MUC6: variants seen among roughly 807,000 people sequenced by gnomAD.
MUC6 encodes the protein mucin-6.
Under a neutral mutation model 201.5 loss-of-function variants are expected in MUC6, and 188 were observed. The observed-to-expected ratio is 0.93, with a 90% confidence interval of 0.83 to 1.05. The LOEUF (loss-of-function observed/expected upper bound fraction) is 1.05, where lower values mean the gene tolerates loss of function less well. Ranked by LOEUF, MUC6 falls within the 50% of genes least tolerant of loss-of-function variation. MUC6 has a pLI of 0.00. For synonymous variants in MUC6, 1,228 were observed against 1,389.4 expected (o/e 0.88, Z 2.58); for missense variants, 2,706 against 3,256.9 (o/e 0.83, Z 4.12).
intron 26 of MUC6, among the ~76,000 whole-genome samples, chr11:1,021,543 G>A (rs1222120203): frequency 6.6e-6 from 1 of 152,034 alleles, no homozygotes; most frequent in Non-Finnish European, 1.5e-5. Context: ...GCTAATTTTT[G>A]TATTTTTAGT....
Position 1,027,492 on chromosome 11 carries a change from G to A in MUC6, c.2007C>T (p.Thr669=), listed in dbSNP as rs1335843700. ...NCTIPCTGNT[T]FSYNSQACER... ...CACAGGCTTGGCTGTTGTAGCTGAA[G>A]GTGGTGTTACCCGTGCAGGGGATGG... is the stretch of plus-strand genomic sequence containing the variant. The change falls in exon 17 of 33, where the codon ACC becomes ACT. Residue 669 remains threonine (T), a synonymous_variant. Coordinates refer to ENST00000421673, the MANE Select transcript of MUC6 (RefSeq NM_005961.3). The A allele has an allele frequency of 1.2e-6, 2 of 1,612,466 alleles. No individual in the cohort carries two copies. The highest frequency in any genetic ancestry group is 1.1e-5 in the South Asian group (1 of 91,066).
chr11:1,032,295 GCA>G (rs1470861120), intron 2 of MUC6, among the ~76,000 whole-genome samples: 1 of 152,192 alleles, frequency 6.6e-6, no homozygotes, highest in Admixed American at 6.5e-5. Flanking sequence ...TTGTGTGTGT[GCA>G]CGTGTGTGCA....
rs1188211727 is a variant in MUC6 at position 1,027,543 on chromosome 11, C to G, written c.1982-26G>C. The stretch of plus-strand genomic sequence containing the variant: ...CTGTGGGGGACCCGGGCATCAGACT[C>G]TCCGGGAGGGGGCGGCCGGGAGGGC... On this transcript the variant is annotated intron_variant, in intron 16 of 32. Coordinates refer to ENST00000421673, the MANE Select transcript of MUC6 (RefSeq NM_005961.3). The G allele has an allele frequency of 4.4e-6, 7 of 1,608,860 alleles. 1 individual carries two copies. Among genetic ancestry groups the G allele is most frequent in the African/African-American group, 1.3e-5 (1 of 74,964 alleles).
chr11:1,015,927 C>A lies in MUC6; in HGVS notation c.6874G>T (p.Val2292Leu). ...TSGFVSLTSGVTGIPTSPVTN... is the reference protein window; with the variant it reads ...TSGFVSLTSGLTGIPTSPVTN... Reference sequence around the variant, plus strand: ...ACTGGAGAGGTGGGGATACCCGTCACCCCCGAGGTGAGTGACACAAAGCCT... The same window carrying A: ...ACTGGAGAGGTGGGGATACCCGTCAACCCCGAGGTGAGTGACACAAAGCCT... The change falls in exon 31 of 33, where the codon GTG becomes TTG. Residue 2292 changes from valine (V) to leucine (L), a missense_variant. By Grantham distance (32) the Val-to-Leu change is conservative. Around this residue, in one of 10 missense-constraint regions of MUC6, gnomAD observed 586 missense variants for 488.0 expected, o/e 1.20. Transcript: ENST00000421673. 6.2e-7 allele frequency: 1 copy of A among 1,600,486 alleles called. No homozygotes were observed.
rs747840669 is a variant in MUC6 at position 1,020,189 on chromosome 11, C to T, written c.3709G>A (p.Gly1237Arg). 38 of 1,612,006 alleles carry T rather than the reference C, an allele frequency of 2.4e-5. No individual in the cohort carries two copies. The highest frequency in any genetic ancestry group is 1.3e-4 in the African/African-American group (10 of 74,812). The change falls in exon 29 of 33, where the codon GGA becomes AGA. Residue 1237 changes from glycine (G) to arginine (R), a missense_variant. Coordinates refer to ENST00000421673, the MANE Select transcript of MUC6 (RefSeq NM_005961.3). ...STTIGLLSST[G>R]PSPSSNHTPA... ...GTGTGATTAGAGCTGGGTGAGGGTC[C>T]GGTGGAGCTGAGAAGCCCGATGGTG...
intron 29 of MUC6, 122 bp downstream of exon 29, chr11:1,019,968 T>C (rs1193038659): frequency 7.8e-6 from 10 of 1,286,678 alleles, no homozygotes; most frequent in Non-Finnish European, 9.9e-6. Context: ...AGTTCTACGC[T>C]GGGAATCTGC....
In MUC6 at chr11:1,020,169, AT is replaced by A. The variant is rs1268408888; in HGVS notation, c.3728del (p.Asn1243IlefsTer50). The A allele has an allele frequency of 6.2e-7, 1 of 1,612,598 alleles. No individual in the cohort carries two copies. Among genetic ancestry groups the A allele is most frequent in the Admixed American group, 1.7e-5 (1 of 59,978 alleles). On this transcript the variant is annotated frameshift_variant, in exon 29 of 33. Coordinates refer to ENST00000421673, the MANE Select transcript of MUC6 (RefSeq NM_005961.3). LOFTEE classifies it high-confidence loss of function. ...LSSTGPSPSS[N>X]HTPASPTQTP... ...TCTGGGTGGGGCTGGCAGGGGTGTG[AT>A]TAGAGCTGGGTGAGGGTCCGGTGGA...
intron 5 of MUC6, 47 bp downstream of exon 5, chr11:1,031,122 C>T (rs1307947474): frequency 2.5e-6 from 3 of 1,191,618 alleles, no homozygotes; most frequent in Non-Finnish European, 3.5e-6. Context: ...GCCCTGCCCC[C>T]CACCTAGAGG....
rs1373929049 is a variant in MUC6, at chr11:1,026,903, G to T, written c.2394+38C>A. 2.0e-6 allele frequency: 3 copies of T among 1,501,666 alleles called. No individual in the cohort carries two copies. The East Asian group carries it at 7.4e-5, about 37-fold the overall frequency. 93.0% of individuals were successfully genotyped at this position (1,501,666 alleles called of 1,614,324 possible). On this transcript the variant is annotated intron_variant, in intron 19 of 32. Coordinates refer to ENST00000421673, the MANE Select transcript of MUC6 (RefSeq NM_005961.3). ...GAAACCCCCTCATGGTTCAGCTGGG[G>T]CCCGGGCATTGTCCCTGCTCCTCGC...
Position 1,016,323 on chromosome 11 carries a change from C to T in MUC6, c.6478G>A (p.Gly2160Ser), listed in dbSNP as rs267602663. ...GCGGACACGAAAGAGGAAGATGTGC[C>T]AACAGAAGGCGATGAAGTCTGGGGA... ...SSPQTSSPSV[G>S]TSSSFVSAPV... is the part of the protein sequence containing the mutation. Residue 2160 changes from glycine to serine, a missense_variant, in exon 31 of 33, where the codon GGC becomes AGC. Gly to Ser is a moderately conservative substitution (Grantham distance 56). Coordinates refer to ENST00000421673, the MANE Select transcript of MUC6 (RefSeq NM_005961.3). 87 of 1,610,882 alleles carry T rather than the reference C, an allele frequency of 5.4e-5. No homozygotes were observed. Among genetic ancestry groups the T allele is most frequent in the Non-Finnish European group, 7.2e-5 (85 of 1,178,684 alleles).
chr11:1,021,370 T>G, intron 26 of MUC6, 93 bp from the exon 27 acceptor site: 1 of 231,798 alleles, frequency 4.3e-6, no homozygotes, highest in East Asian at 1.2e-4. Flanking sequence ...CCTCTCTGCT[T>G]TTTTTTTTTT....
intron 2 of MUC6, among the ~76,000 whole-genome samples, chr11:1,032,456 GTGTT>G (rs747960074): frequency 3.2e-4 from 49 of 151,646 alleles, no homozygotes; most frequent in African/African-American, 8.2e-4. Context: ...ATGCACATGT[GTGTT>G]TGTGTGAGCT....
intron 20 of MUC6, 25 bp from the exon 21 acceptor site, chr11:1,026,166 G>A (rs1856954591): frequency 6.3e-7 from 1 of 1,577,536 alleles, no homozygotes; most frequent in South Asian, 1.2e-5. Context: ...GGTGTGGGTG[G>A]TGGGCCTGCG....
intron 1 of MUC6, among the ~76,000 whole-genome samples, chr11:1,034,880 G>A (rs1445144410): frequency 6.6e-6 from 1 of 152,132 alleles, no homozygotes; most frequent in African/African-American, 2.4e-5. Flanking sequence ...GAGGTTCCCC[G>A]AGTCCACTGG....
intron 30 of MUC6, 111 bp from the exon 31 acceptor site, chr11:1,018,881 G>A: frequency 7.2e-7 from 1 of 1,387,434 alleles, no homozygotes; most frequent in African/African-American, 1.4e-5. Context: ...CTGTGCCTCT[G>A]TTCCTGTGAC....
rs760863526 is a variant in MUC6, at chr11:1,013,967, G to A, written c.7074C>T (p.Ile2358=). 28 of 1,608,980 alleles carry A rather than the reference G, an allele frequency of 1.7e-5. No individual in the cohort carries two copies. The highest frequency in any genetic ancestry group is 1.6e-4 in the Middle Eastern group (1 of 6,080). ...VCSVREQQEE[I]TFKGCMANVT... ...CGTTCGCCATGCACCCCTTGAACGT[G>A]ATCTCCTCCTGCTGCTCCCGCACAC... Residue 2358 remains isoleucine, a synonymous_variant, in exon 32 of 33, where the codon ATC becomes ATT. Transcript: ENST00000421673.
intron 29 of MUC6, among the ~76,000 whole-genome samples, chr11:1,019,749 G>A (rs1014991663): frequency 2.6e-5 from 4 of 152,168 alleles, no homozygotes; most frequent in African/African-American, 7.2e-5. Context: ...TTAGCTGAAC[G>A]GACTGTCGTC....
chr11:1,023,349 CGTGA>C (rs138458941), intron 26 of MUC6, among the ~76,000 whole-genome samples, 156 bp downstream of exon 26: 1,732 of 151,518 alleles, frequency 0.011, 37 homozygotes, highest in Admixed American at 0.056. Flanking sequence ...TGTGAATGTG[CGTGA>C]GTGTGTGTGA....
chr11:1,034,673 A>G (rs969126827), intron 1 of MUC6, among the ~76,000 whole-genome samples: 1 of 152,150 alleles, frequency 6.6e-6, no homozygotes, highest in Non-Finnish European at 1.5e-5. Flanking sequence ...TCCCCTGGGC[A>G]ATGCCCCCTG....
Sources: allele counts gnomAD v4.1 joint callset (sites outside exome capture counted in the v4.1 genomes callset), GRCh38; gene constraint gnomAD v4.1.1; regional missense constraint gnomAD v4.1.1; transcripts MANE v1.5; gene names NCBI Gene and HGNC (gene_info 2026-07-23, HGNC 2026-07-21).